RUNX2: variants seen among roughly 807,000 people sequenced by gnomAD.
RUNX2 encodes runt-related transcription factor 2.
Under a neutral mutation model 51.7 loss-of-function variants are expected in RUNX2, and 10 were observed. The ratio of observed to expected loss-of-function variants is 0.19; its 90% CI spans 0.12 to 0.33. The LOEUF (loss-of-function observed/expected upper bound fraction) is 0.33. RUNX2 is among the 10% of genes least tolerant of loss of function. The pLI is 1.00. For missense variants in RUNX2, 562 were observed against 691.3 expected (o/e 0.81, Z 2.10); for synonymous variants, 276 against 273.6 (o/e 1.01, Z -0.09).
intron 5 of RUNX2, among the ~76,000 whole-genome samples, chr6:45,477,320 C>T (rs1356994280): frequency 1.3e-5 from 2 of 152,222 alleles, no homozygotes; most frequent in Non-Finnish European, 2.9e-5. Context: ...CTATTAACTT[C>T]GTGTTCCCAT....
At chr6:45,423,929 A>G (rs1402240280) in intron 3 of RUNX2, among the ~76,000 whole-genome samples, 1 of 152,208 alleles carries the variant, frequency 6.6e-6, no homozygotes, top group Non-Finnish European at 1.5e-5. Context: ...GATGAGGGAA[A>G]CCTGTGGAAC....
At position 45,537,274 on chromosome 6, in the gene RUNX2, T is replaced by G. The variant is rs1032589992; in HGVS notation, c.1022-7943T>G. ...CCATCCCAGGGCTGTCAGTGATAAT[T>G]GGTCAGAACACTTTTCATCATTGCC... On this transcript the variant is annotated intron_variant, in intron 7 of 8. Transcript: ENST00000647337. Among the ~76,000 whole-genome samples the G allele has an allele frequency of 3.3e-5, 5 of 152,140 alleles. No individual in the cohort carries two copies. In the East Asian group the frequency reaches 7.7e-4, roughly 23 times the overall value.
At chr6:45,422,540 C>T (rs1480020944) in intron 2 of RUNX2, 53 bp from the exon 3 acceptor site, 4 of 1,538,864 alleles carry the variant, frequency 2.6e-6, no homozygotes, top group Non-Finnish European at 3.5e-6. Context: ...CCCTCCTCCC[C>T]CTCCCCCGGC....
At chr6:45,431,784 C>A in intron 3 of RUNX2, 79 bp from the exon 4 acceptor site, 2 of 1,495,554 alleles carry the variant, frequency 1.3e-6, no homozygotes, top group South Asian at 1.1e-5. Flanking sequence ...TAAGACACAT[C>A]ATTTGCAATG....
At chr6:45,402,082 G>C (rs533029335) in intron 2 of RUNX2, among the ~76,000 whole-genome samples, 24 of 152,322 alleles carry the variant, frequency 1.6e-4, no homozygotes, top group African/African-American at 5.8e-4. Context: ...GCTCTTAGAT[G>C]CATAATGGTA....
chr6:45,486,770 G>T (rs552890881), intron 5 of RUNX2, among the ~76,000 whole-genome samples: 4 of 152,182 alleles, frequency 2.6e-5, no homozygotes, highest in African/African-American at 9.7e-5. Flanking sequence ...GGGGAGCCAC[G>T]TAGCTCTCCG....
Position 45,546,988 on chromosome 6 carries a change from C to T in RUNX2, c.1249C>T (p.His417Tyr), listed in dbSNP as rs1319458779. The T allele has an allele frequency of 2.5e-6, 4 of 1,614,086 alleles. No individual in the cohort carries two copies. Among genetic ancestry groups the T allele is most frequent in the Non-Finnish European group, 3.4e-6 (4 of 1,180,020 alleles). The change falls in exon 9 of 9, where the codon CAC becomes TAC. Residue 417 changes from histidine to tyrosine, a missense_variant. Physicochemically the swap from His to Tyr is moderately conservative, Grantham distance 83. This residue lies in a region of RUNX2 where 304 missense variants were observed against 353.2 expected (regional missense o/e 0.86). Transcript: ENST00000647337. ...GTCCCTCGGTATGTCCGCCACCACT[C>T]ACTACCACACCTACCTGCCACCACC... Reference protein sequence around the residue: ...GMSLGMSATTHYHTYLPPPYP... With the variant: ...GMSLGMSATTYYHTYLPPPYP...
chr6:45,383,718 T>A (rs1182375857), intron 2 of RUNX2, among the ~76,000 whole-genome samples: 1 of 152,240 alleles, frequency 6.6e-6, no homozygotes, highest in Non-Finnish European at 1.5e-5. Context: ...AGTATTTTCA[T>A]TGAAACTGAA....
intron 2 of RUNX2, among the ~76,000 whole-genome samples, chr6:45,342,350 C>T (rs1789966082): frequency 6.6e-6 from 1 of 152,134 alleles, no homozygotes; most frequent in African/African-American, 2.4e-5. Context: ...CAACCTCCGC[C>T]TCCTGGGTTC....
intron 5 of RUNX2, among the ~76,000 whole-genome samples, chr6:45,443,850 G>A (rs1188225034): frequency 1.3e-5 from 2 of 152,130 alleles, no homozygotes; most frequent in Non-Finnish European, 2.9e-5. Context: ...TCCTCAGATG[G>A]TTAAGATTAG....
intron 2 of RUNX2, among the ~76,000 whole-genome samples, chr6:45,399,046 G>A (rs1408486750): frequency 6.6e-6 from 1 of 152,132 alleles, no homozygotes; most frequent in African/African-American, 2.4e-5. Context: ...AAATCATTGA[G>A]CTACCTGTAA....
At chr6:45,445,444 G>A (rs1471227447) in intron 5 of RUNX2, among the ~76,000 whole-genome samples, 1 of 152,224 alleles carries the variant, frequency 6.6e-6, no homozygotes, top group African/African-American at 2.4e-5. Flanking sequence ...TCTGGACACA[G>A]TTCTTGCATT....
At chr6:45,530,699 G>C (rs1171707799) in intron 7 of RUNX2, among the ~76,000 whole-genome samples, 1 of 152,214 alleles carries the variant, frequency 6.6e-6, no homozygotes, top group East Asian at 1.9e-4. Flanking sequence ...AGGGCACCTT[G>C]AACTCTTCTG....
intron 6 of RUNX2, among the ~76,000 whole-genome samples, chr6:45,510,815 G>A (rs574461917): frequency 8.1e-4 from 122 of 151,250 alleles, no homozygotes; most frequent in African/African-American, 2.6e-3. Flanking sequence ...TCTCTTAATC[G>A]TTTTCTCCTG....
intron 2 of RUNX2, among the ~76,000 whole-genome samples, chr6:45,367,823 T>C (rs528936816): frequency 6.6e-6 from 1 of 152,302 alleles, no homozygotes; most frequent in South Asian, 2.1e-4. Context: ...ATAACCATGA[T>C]CATCCTTTCA....
chr6:45,342,104 T>G (rs1789899519), intron 2 of RUNX2, among the ~76,000 whole-genome samples: 2 of 151,900 alleles, frequency 1.3e-5, no homozygotes, highest in African/African-American at 4.8e-5. Flanking sequence ...AGGCAAAGAA[T>G]AAGGAAAATG....
chr6:45,357,348 T>G (rs537902441), intron 2 of RUNX2, among the ~76,000 whole-genome samples: 1 of 152,156 alleles, frequency 6.6e-6, no homozygotes, highest in African/African-American at 2.4e-5. Context: ...TTTTTTATTT[T>G]TTGAGACAGT....
At chr6:45,521,899 A>G (rs1801518810) in intron 7 of RUNX2, among the ~76,000 whole-genome samples, 1 of 152,042 alleles carries the variant, frequency 6.6e-6, no homozygotes, top group Non-Finnish European at 1.5e-5. Context: ...ACCATATTAC[A>G]CTGTTTTCTC....
chr6:45,330,841 T>C (rs1459136822), intron 2 of RUNX2, among the ~76,000 whole-genome samples: 1 of 151,840 alleles, frequency 6.6e-6, no homozygotes, highest in Non-Finnish European at 1.5e-5. Context: ...ATCAACCCAC[T>C]ACCTCAGACT....
Sources: gnomAD v4.1 joint callset for allele counts (sites outside exome capture counted in the v4.1 genomes callset) on GRCh38, gnomAD v4.1.1 for gene constraint, gnomAD v4.1.1 regional missense constraint, MANE v1.5 for transcripts, NCBI Gene and HGNC (gene_info 2026-07-23, HGNC 2026-07-21) for gene names.